The following SPATS2L variants were observed in gnomAD, a reference collection of about 807,000 sequenced individuals.
The protein encoded by SPATS2L is spermatogenesis associated serine rich 2 like, also known as SPATS2-like protein.
In SPATS2L, 30 loss-of-function variants were observed where a neutral mutation model predicts 59.6. The observed-to-expected ratio is 0.50, with a 90% confidence interval of 0.38 to 0.68. SPATS2L has a LOEUF of 0.68. SPATS2L is among the 30% of genes least tolerant of loss of function. The pLI is 0.00. For missense variants in SPATS2L, 615 were observed against 700.0 expected, an observed-to-expected ratio of 0.88 and a Z score of 1.37; for synonymous variants, 252 against 263.5, an observed-to-expected ratio of 0.96 and a Z score of 0.42.
intron 2 of SPATS2L, among the ~76,000 whole-genome samples, chr2:200,366,708 G>A (rs991849489): frequency 2.6e-5 from 4 of 152,204 alleles, no homozygotes; most frequent in Non-Finnish European, 4.4e-5. Flanking sequence ...TAGCTCACAT[G>A]TGATGTCTGC....
intron 3 of SPATS2L, among the ~76,000 whole-genome samples, chr2:200,406,325 A>T (rs1269267416): frequency 6.7e-6 from 1 of 150,070 alleles, no homozygotes; most frequent in Non-Finnish European, 1.5e-5. Context: ...TATTATTTTT[A>T]TTTCCAGCCC....
chr2:200,314,479 T>C (rs2079298662), intron 1 of SPATS2L, among the ~76,000 whole-genome samples: 1 of 146,532 alleles, frequency 6.8e-6, no homozygotes, highest in Non-Finnish European at 1.5e-5. Context: ...GCTGCCTTTC[T>C]AAAAGGCAAA....
chr2:200,396,979 A>G (rs2082375156), intron 3 of SPATS2L, among the ~76,000 whole-genome samples: 2 of 152,240 alleles, frequency 1.3e-5, no homozygotes, highest in South Asian at 2.1e-4. Flanking sequence ...TTGCTTGGCA[A>G]CTAGAAGAGA....
chr2:200,308,003 C>T (rs2079083631), intron 1 of SPATS2L, among the ~76,000 whole-genome samples: 1 of 152,130 alleles, frequency 6.6e-6, no homozygotes, highest in Admixed American at 6.5e-5. Context: ...TACCAGCCCC[C>T]TCACAAGCCG....
chr2:200,410,206 A>C (rs2082828517), intron 3 of SPATS2L, among the ~76,000 whole-genome samples: 1 of 152,136 alleles, frequency 6.6e-6, no homozygotes, highest in African/African-American at 2.4e-5. Flanking sequence ...AGTGGCTTGA[A>C]ATAAATGCTA....
At chr2:200,335,960 C>T (rs2080128814) in intron 2 of SPATS2L, among the ~76,000 whole-genome samples, 1 of 152,108 alleles carries the variant, frequency 6.6e-6, no homozygotes, top group African/African-American at 2.4e-5. Flanking sequence ...AGTGGCTTCC[C>T]CACTGTTCCA....
intron 1 of SPATS2L, among the ~76,000 whole-genome samples, chr2:200,310,430 C>T (rs1029301170): frequency 6.6e-6 from 1 of 152,162 alleles, no homozygotes; most frequent in Non-Finnish European, 1.5e-5. Context: ...TCTCCCTGAT[C>T]GGATGGGAGG....
chr2:200,432,173 C>G (rs2083977820), intron 6 of SPATS2L, among the ~76,000 whole-genome samples: 1 of 152,000 alleles, frequency 6.6e-6, no homozygotes, highest in Admixed American at 6.6e-5. Flanking sequence ...AAAAGGGTAT[C>G]AGTTTCTACA....
rs902068519 is a variant in SPATS2L, at chr2:200,363,277, A to T, written c.-22-25946A>T. Among the ~76,000 whole-genome samples, 6 of 130,704 alleles carry T rather than the reference A, an allele frequency of 4.6e-5. No individual in the cohort carries two copies. In the Admixed American group the frequency reaches 4.6e-4, roughly 10 times the overall value. The allele number at this position is 130,704 out of a possible 152,430, so 85.7% of individuals were successfully genotyped here. On this transcript the variant is annotated intron_variant, in intron 2 of 12. Coordinates refer to ENST00000409140, the MANE Select transcript of SPATS2L (RefSeq NM_001100423.2). ...CAATATCCTCGCTAGGAAAAAAATC[A>T]TAAAAAGACAGTTTGCTTATTATAG...
chr2:200,434,081 G>A (rs1249616399), intron 6 of SPATS2L, among the ~76,000 whole-genome samples: 1 of 151,746 alleles, frequency 6.6e-6, no homozygotes, highest in South Asian at 2.1e-4. Flanking sequence ...TATATAAAAG[G>A]ATAATACTGC....
intron 1 of SPATS2L, among the ~76,000 whole-genome samples, chr2:200,312,088 A>G (rs1014339056): frequency 5.9e-5 from 9 of 152,136 alleles, no homozygotes; most frequent in African/African-American, 2.2e-4. Flanking sequence ...ATATATAGAT[A>G]CCTGCAGTAA....
chr2:200,402,101 T>C (rs939088960), intron 3 of SPATS2L, among the ~76,000 whole-genome samples: 9 of 152,180 alleles, frequency 5.9e-5, no homozygotes, highest in Non-Finnish European at 4.4e-5. Flanking sequence ...AATTTGTGAG[T>C]CTTTTTCTAC....
At chr2:200,470,875 C>T (rs1436125378) in intron 11 of SPATS2L, among the ~76,000 whole-genome samples, 2 of 152,196 alleles carry the variant, frequency 1.3e-5, no homozygotes, top group East Asian at 1.9e-4. Flanking sequence ...TAGATGTCAC[C>T]GGTCTTCTGG....
At chr2:200,350,714 T>C (rs1308261103) in intron 2 of SPATS2L, among the ~76,000 whole-genome samples, 1 of 152,034 alleles carries the variant, frequency 6.6e-6, no homozygotes, top group Non-Finnish European at 1.5e-5. Context: ...TTTGTTTTTT[T>C]AGTAGAGATG....
At chr2:200,443,933 T>G (rs773063825) in intron 8 of SPATS2L, among the ~76,000 whole-genome samples, 2 of 152,202 alleles carry the variant, frequency 1.3e-5, no homozygotes, top group Non-Finnish European at 2.9e-5. Context: ...AGCTAAAATG[T>G]AAAATCAAAG....
chr2:200,439,128 A>C lies in SPATS2L; in HGVS notation c.452A>C (p.Asn151Thr), dbSNP rs1311190343. Residue 151 changes from asparagine (N) to threonine (T), a missense_variant, in exon 7 of 13, where the codon AAC becomes ACC. By Grantham distance (65) the Asn-to-Thr change is moderately conservative (BLOSUM62 0). Transcript: ENST00000409140. ...ATTTGGTGTTTTCTTACAGAAGGCA[A>C]CAGACTACTGCAACAGAAACTATCC... is the stretch of plus-strand genomic sequence containing the variant. The part of the protein sequence containing the change: ...SKALRGVTEG[N>T]RLLQQKLSLD... 2.5e-6 allele frequency: 4 copies of C among 1,613,142 alleles called. No homozygotes were observed. Among genetic ancestry groups the C allele is most frequent in the Admixed American group, 3.3e-5 (2 of 59,946 alleles).
chr2:200,397,795 A>T (rs182244756), intron 3 of SPATS2L, among the ~76,000 whole-genome samples: 154 of 152,196 alleles, frequency 1.0e-3, no homozygotes, highest in African/African-American at 3.6e-3. Flanking sequence ...TAGGGCAAGT[A>T]TTAGAATGTC....
At chr2:200,453,058 T>C (rs2085578371) in intron 8 of SPATS2L, among the ~76,000 whole-genome samples, 2 of 151,892 alleles carry the variant, frequency 1.3e-5, no homozygotes, top group Non-Finnish European at 2.9e-5. Context: ...GTGCTCAGGG[T>C]TAAATAAGAG....
intron 8 of SPATS2L, among the ~76,000 whole-genome samples, chr2:200,455,491 C>T (rs2085771644): frequency 6.6e-6 from 1 of 152,172 alleles, no homozygotes; most frequent in Non-Finnish European, 1.5e-5. Context: ...AAGGCACTGG[C>T]ACTCTACCTA....
Sources: gnomAD v4.1 joint callset for allele counts (sites outside exome capture counted in the v4.1 genomes callset) on GRCh38, gnomAD v4.1.1 for gene constraint, MANE v1.5 for transcripts, NCBI Gene and HGNC (gene_info 2026-07-23, HGNC 2026-07-21) for gene names.